The following MACF1 variants were observed in gnomAD, a reference collection of about 807,000 sequenced individuals.
The protein encoded by MACF1 is microtubule actin crosslinking factor 1, also known as microtubule-actin cross-linking factor 1.
In MACF1, 193 loss-of-function variants were observed where a neutral mutation model predicts 854.8. That is an observed-to-expected ratio of 0.23 (90% confidence interval 0.20 to 0.25). MACF1 has a LOEUF of 0.25. Among genes scored for constraint, MACF1 ranks in the 10% least tolerant of loss-of-function variants. MACF1 has a pLI of 1.00. For missense variants in MACF1, 7,722 were observed against 8,929.1 expected, an observed-to-expected ratio of 0.86 and a Z score of 5.45; for synonymous variants, 3,185 against 3,226.7, an observed-to-expected ratio of 0.99 and a Z score of 0.44.
intron 58 of MACF1, chr1:39,411,822 G>A (rs915666489): frequency 5.6e-6 from 9 of 1,613,834 alleles, no homozygotes; most frequent in Non-Finnish European, 5.9e-6. Context: ...AAAAGGAACA[G>A]CATTTAGGCC....
intron 2 of MACF1, among the ~76,000 whole-genome samples, chr1:39,142,788 C>A (rs545857622): frequency 6.6e-6 from 1 of 152,324 alleles, no homozygotes; most frequent in South Asian, 2.1e-4. Context: ...TGCTGAGTCA[C>A]CACCTAGGAA....
chr1:39,323,730 T>C (rs542660931), intron 33 of MACF1, among the ~76,000 whole-genome samples: 2 of 151,100 alleles, frequency 1.3e-5, no homozygotes, highest in South Asian at 4.2e-4. Context: ...GCCTCTCTTA[T>C]AAAAAAAAAG....
intron 6 of MACF1, among the ~76,000 whole-genome samples, chr1:39,271,545 C>T (rs1312017749): frequency 2.0e-5 from 3 of 152,088 alleles, no homozygotes; most frequent in Non-Finnish European, 4.4e-5. Flanking sequence ...AGATTGAAAC[C>T]ATATCAACAA....
intron 2 of MACF1, among the ~76,000 whole-genome samples, chr1:39,113,181 T>C (rs895671503): frequency 6.6e-6 from 1 of 152,142 alleles, no homozygotes; most frequent in Non-Finnish European, 1.5e-5. Context: ...ATATCATTCT[T>C]TCAGTGCTTC....
intron 95 of MACF1, 82 bp downstream of exon 95, chr1:39,465,194 A>C: frequency 7.1e-7 from 1 of 1,405,638 alleles, no homozygotes; most frequent in Non-Finnish European, 1.0e-6. Context: ...CTATGGGGAG[A>C]GGATGTAATC....
chr1:39,456,299 A>G (rs1432124369), intron 89 of MACF1, among the ~76,000 whole-genome samples: 1 of 152,116 alleles, frequency 6.6e-6, no homozygotes, highest in East Asian at 1.9e-4. Context: ...GCACCATTGC[A>G]CTCCAGCCTG....
chr1:39,274,595 A>G (rs1054888546), intron 6 of MACF1, among the ~76,000 whole-genome samples: 2 of 152,178 alleles, frequency 1.3e-5, no homozygotes, highest in African/African-American at 4.8e-5. Context: ...GGACTTGAGC[A>G]TTTGTGGATT....
chr1:39,435,512 A>G (rs1643955207), intron 69 of MACF1, 46 bp from the exon 70 acceptor site: 7 of 1,449,514 alleles, frequency 4.8e-6, no homozygotes, highest in Non-Finnish European at 5.8e-6. Context: ...AAATACATAA[A>G]CTGGTATAAA....
chr1:39,414,529 G>T (rs1643210302), intron 58 of MACF1: 1 of 1,606,850 alleles, frequency 6.2e-7, no homozygotes, highest in Admixed American at 1.7e-5. Flanking sequence ...AGTGAGATTT[G>T]CAGGGCTGAC....
intron 2 of MACF1, among the ~76,000 whole-genome samples, chr1:39,147,856 T>G (rs1643501341): frequency 6.6e-6 from 1 of 152,238 alleles, no homozygotes; most frequent in African/African-American, 2.4e-5. Context: ...CTAGACTCAC[T>G]GCCCTATTTT....
chr1:39,357,658 T>A lies in MACF1; in HGVS notation c.11708T>A (p.Met3903Lys), dbSNP rs753463687. The change falls in exon 45 of 101, where the codon ATG becomes AAG. Residue 3903 changes from methionine to lysine, a missense_variant. Met to Lys is a moderately conservative substitution (Grantham distance 95). Coordinates refer to ENST00000564288, the MANE Select transcript of MACF1 (RefSeq NM_001394062.1). Reference sequence around the variant, plus strand: ...CGATCCGAGAAAGAGCTGGAGAACATGCATAAGGGAGGCAGCAGCCCCGAG... The same window carrying A: ...CGATCCGAGAAAGAGCTGGAGAACAAGCATAAGGGAGGCAGCAGCCCCGAG... ...LERSEKELEN[M>K]HKGGSSPETL... 5 of 1,613,976 alleles carry A rather than the reference T, an allele frequency of 3.1e-6. No homozygotes were observed. In the African/African-American group the frequency reaches 5.3e-5, roughly 17 times the overall value.
chr1:39,247,177 A>G (rs974552321), intron 2 of MACF1, among the ~76,000 whole-genome samples: 2 of 140,968 alleles, frequency 1.4e-5, no homozygotes, highest in African/African-American at 2.7e-5. Context: ...AGTTCACGCC[A>G]TTCTCCTGCC....
intron 6 of MACF1, among the ~76,000 whole-genome samples, chr1:39,272,461 ACTC>A (rs1475227941): frequency 6.6e-6 from 1 of 151,978 alleles, no homozygotes; most frequent in African/African-American, 2.4e-5. Context: ...TCACACACCA[ACTC>A]CTGTCTAAAC....
upstream of MACF1, among the ~76,000 whole-genome samples, chr1:39,201,799 C>G (rs1400787632): frequency 2.6e-5 from 4 of 152,068 alleles, no homozygotes; most frequent in Non-Finnish European, 4.4e-5. Flanking sequence ...CTGGCCTCCT[C>G]TTCTGATACT....
At chr1:39,172,864 G>A (rs1010904279) in intron 2 of MACF1, among the ~76,000 whole-genome samples, 32 of 152,258 alleles carry the variant, frequency 2.1e-4, no homozygotes, top group African/African-American at 7.2e-4. Context: ...AGTTAGCCCA[G>A]ATATACTTGG....
intron 28 of MACF1, 24 bp from the exon 29 acceptor site, chr1:39,317,190 G>A (rs1473068639): frequency 1.2e-6 from 2 of 1,609,438 alleles, no homozygotes; most frequent in African/African-American, 2.7e-5. Flanking sequence ...TATACAACCT[G>A]TTTCTGTACT....
chr1:39,349,287 A>G (rs1647126685), intron 41 of MACF1, among the ~76,000 whole-genome samples, 191 bp from the exon 42 acceptor site: 1 of 152,168 alleles, frequency 6.6e-6, no homozygotes, highest in Admixed American at 6.5e-5. Context: ...CAATCCATAG[A>G]CCCAGATCAA....
At chr1:39,186,975 A>G (rs1357333947) in intron 2 of MACF1, among the ~76,000 whole-genome samples, 9 of 143,984 alleles carry the variant, frequency 6.3e-5, no homozygotes, top group Non-Finnish European at 1.4e-4. Context: ...CTCTTTTACT[A>G]GTGATTCTTG....
chr1:39,273,825 C>T (rs183851944), intron 6 of MACF1, among the ~76,000 whole-genome samples: 2,556 of 152,180 alleles, frequency 0.017, 76 homozygotes, highest in African/African-American at 0.059. Flanking sequence ...CTCCTGACCT[C>T]GTAATCCGCC....
Sources: allele counts gnomAD v4.1 joint callset (sites outside exome capture counted in the v4.1 genomes callset), GRCh38; gene constraint gnomAD v4.1.1; transcripts MANE v1.5; gene names NCBI Gene and HGNC (gene_info 2026-07-23, HGNC 2026-07-21).